IQCM: variants seen among roughly 807,000 people sequenced by gnomAD.
IQCM encodes the protein IQ motif containing M.
A neutral mutation model predicts 57.6 loss-of-function variants in IQCM; 45 were observed. The observed-to-expected ratio is 0.78, with a 90% CI of 0.62 to 1.00. The LOEUF is 1.00. Ranked by LOEUF, IQCM falls within the 50% of genes least tolerant of loss-of-function variation. IQCM has a pLI of 0.00. For missense variants in IQCM, 468 were observed against 511.6 expected, an observed-to-expected ratio of 0.91 and a Z score of 0.82; for synonymous variants, 148 against 158.9, an observed-to-expected ratio of 0.93 and a Z score of 0.51.
chr4:149,363,213 C>T (rs577290426), intron 13 of IQCM, among the ~76,000 whole-genome samples: 3 of 152,256 alleles, frequency 2.0e-5, no homozygotes, highest in Admixed American at 2.0e-4. Flanking sequence ...TGACTTGACT[C>T]CTTGTGGAAT....
intron 2 of IQCM, among the ~76,000 whole-genome samples, chr4:149,779,401 G>T (rs1045536493): frequency 6.6e-6 from 1 of 152,138 alleles, no homozygotes; most frequent in African/African-American, 2.4e-5. Flanking sequence ...AGGCTGTGTT[G>T]TATTGGCATA....
At chr4:149,387,639 C>T (rs936296518) in intron 13 of IQCM, among the ~76,000 whole-genome samples, 4 of 151,876 alleles carry the variant, frequency 2.6e-5, no homozygotes, top group Admixed American at 2.6e-4. Flanking sequence ...AATTATTTTC[C>T]TCTGATAATA....
chr4:149,364,615 G>A (rs1016010983), intron 13 of IQCM, among the ~76,000 whole-genome samples: 2 of 152,124 alleles, frequency 1.3e-5, no homozygotes, highest in African/African-American at 4.8e-5. Context: ...GAAAGGAAAT[G>A]AGAGAGCAGG....
At chr4:149,516,261 T>C (rs1001508789) in intron 12 of IQCM, among the ~76,000 whole-genome samples, 2 of 152,220 alleles carry the variant, frequency 1.3e-5, no homozygotes, top group Admixed American at 1.3e-4. Context: ...TTGTCCTCAC[T>C]GGAATAGACA....
chr4:149,505,430 G>A (rs1454209337), intron 12 of IQCM, among the ~76,000 whole-genome samples: 1 of 152,176 alleles, frequency 6.6e-6, no homozygotes, highest in Non-Finnish European at 1.5e-5. Flanking sequence ...TAAAGGCTCT[G>A]AAAACTTTGG....
chr4:149,729,884 T>C (rs922188290), intron 5 of IQCM, among the ~76,000 whole-genome samples: 2 of 152,198 alleles, frequency 1.3e-5, no homozygotes, highest in African/African-American at 4.8e-5. Context: ...ACCAAGACCC[T>C]AAGTACCTAG....
At chr4:149,703,342 T>C (rs1489488783) in intron 5 of IQCM, among the ~76,000 whole-genome samples, 1 of 151,910 alleles carries the variant, frequency 6.6e-6, no homozygotes, top group Non-Finnish European at 1.5e-5. Flanking sequence ...ATCAATTAAT[T>C]CTTATTCATG....
intron 5 of IQCM, among the ~76,000 whole-genome samples, chr4:149,720,009 C>T (rs909424924): frequency 3.3e-5 from 5 of 152,148 alleles, no homozygotes; most frequent in Admixed American, 1.3e-4. Context: ...ATTTCACTTC[C>T]TCAGAAGAGG....
intron 13 of IQCM, among the ~76,000 whole-genome samples, chr4:149,427,097 T>A (rs562744215): frequency 1.3e-5 from 2 of 151,998 alleles, no homozygotes; most frequent in East Asian, 3.9e-4. Context: ...TCTTCCTAGA[T>A]TTTTTGAAGT....
chr4:149,554,246 A>G (rs2654802), intron 10 of IQCM, among the ~76,000 whole-genome samples: 32,509 of 152,204 alleles, frequency 0.21, 4,350 homozygotes, highest in Non-Finnish European at 0.29. Context: ...CCAAGGCCCC[A>G]TAGCTAGTAA....
At chr4:149,495,789 T>C (rs1447131870) in intron 12 of IQCM, among the ~76,000 whole-genome samples, 1 of 152,022 alleles carries the variant, frequency 6.6e-6, no homozygotes, top group Non-Finnish European at 1.5e-5. Context: ...CCAAGAAAAG[T>C]TTGGGAAAAT....
chr4:149,596,606 T>C (rs900012479), intron 8 of IQCM, among the ~76,000 whole-genome samples: 1 of 152,046 alleles, frequency 6.6e-6, no homozygotes, highest in Non-Finnish European at 1.5e-5. Flanking sequence ...AAATGTCCTG[T>C]AGAAAGAGAG....
rs1044133190 is a variant in IQCM at position 149,570,423 on chromosome 4, G to T, written c.750-6533C>A. Among the ~76,000 whole-genome samples the T allele has an allele frequency of 5.3e-5, 8 of 152,074 alleles. No homozygotes were observed. In the South Asian group the frequency reaches 6.2e-4, roughly 12 times the overall value. On this transcript the variant is annotated intron_variant, in intron 9 of 13. Transcript: ENST00000636793. ...AACCAGCTCGCTCTTTTCTATATTG[G>T]TTAGGGATTGCCAACTAATGGAATG...
chr4:149,439,740 A>C (rs1206054409), intron 12 of IQCM, among the ~76,000 whole-genome samples: 3 of 152,158 alleles, frequency 2.0e-5, no homozygotes, highest in Non-Finnish European at 4.4e-5. Flanking sequence ...CTAAAGACAA[A>C]AGACTAAAGA....
At chr4:149,416,054 TA>T (rs1409669603) in intron 13 of IQCM, among the ~76,000 whole-genome samples, 1 of 152,062 alleles carries the variant, frequency 6.6e-6, no homozygotes, top group Non-Finnish European at 1.5e-5. Flanking sequence ...AGTATAATTT[TA>T]AAAAAGCCTG....
intron 2 of IQCM, among the ~76,000 whole-genome samples, chr4:149,748,515 CT>C (rs1768137889): frequency 6.6e-6 from 1 of 152,164 alleles, no homozygotes; most frequent in South Asian, 2.1e-4. Context: ...CTAAAATACA[CT>C]CTTTTTTTCA....
At chr4:149,788,059 C>T (rs1183526780) in intron 2 of IQCM, among the ~76,000 whole-genome samples, 1 of 152,190 alleles carries the variant, frequency 6.6e-6, no homozygotes, top group Non-Finnish European at 1.5e-5. Flanking sequence ...AGGCCAGGCG[C>T]AGTGGGGCTC....
chr4:149,687,759 G>T (rs765005071), intron 5 of IQCM, among the ~76,000 whole-genome samples: 1 of 151,914 alleles, frequency 6.6e-6, no homozygotes, highest in East Asian at 1.9e-4. Context: ...CCATGATCAA[G>T]TGGGTTTCAT....
chr4:149,552,621 G>A (rs1749145902), intron 11 of IQCM, among the ~76,000 whole-genome samples: 1 of 152,060 alleles, frequency 6.6e-6, no homozygotes, highest in Non-Finnish European at 1.5e-5. Flanking sequence ...TTTTCTTTGT[G>A]CAGCTACCCC....
Sources: gnomAD v4.1 joint callset for allele counts (sites outside exome capture counted in the v4.1 genomes callset) on GRCh38, gnomAD v4.1.1 for gene constraint, MANE v1.5 for transcripts, NCBI Gene and HGNC (gene_info 2026-07-23, HGNC 2026-07-21) for gene names.